Variants in CRPPA observed in about 807,000 individuals in gnomAD.
CRPPA encodes CDP-L-ribitol pyrophosphorylase A.
Under a neutral mutation model 52.0 loss-of-function variants are expected in CRPPA, and 43 were observed. That is an observed-to-expected ratio of 0.83 (90% CI 0.65 to 1.07). The LOEUF (loss-of-function observed/expected upper bound fraction) is 1.07. Among genes scored for constraint, CRPPA ranks in the 50% least tolerant of loss-of-function variants. CRPPA has a pLI of 0.00. For missense variants in CRPPA, 629 were observed against 551.7 expected (o/e 1.14, Z -1.40); for synonymous variants, 250 against 203.5 (o/e 1.23, Z -1.94).
intron 5 of CRPPA, among the ~76,000 whole-genome samples, chr7:16,281,784 A>T (rs1784326649): frequency 6.6e-6 from 1 of 152,190 alleles, no homozygotes; most frequent in African/African-American, 2.4e-5. Context: ...GATTATTCAC[A>T]TTCTCTATTT....
chr7:16,229,358 C>A (rs1782732553), intron 8 of CRPPA, among the ~76,000 whole-genome samples: 1 of 151,952 alleles, frequency 6.6e-6, no homozygotes, highest in African/African-American at 2.4e-5. Context: ...TTGTTCCTTT[C>A]TTCCTCTATC....
chr7:16,217,048 A>T (rs1323222573), intron 8 of CRPPA, among the ~76,000 whole-genome samples: 1 of 151,436 alleles, frequency 6.6e-6, no homozygotes, highest in Non-Finnish European at 1.5e-5. Flanking sequence ...CCTGTCTGAC[A>T]GCTTTGAAGA....
Position 16,416,301 on chromosome 7 carries a change from T to G in CRPPA, c.257+4765A>C, listed in dbSNP as rs775806090. 7.2e-5 allele frequency among the ~76,000 whole-genome samples: 11 copies of G among 152,236 alleles called. No homozygotes were observed. In the South Asian group the frequency reaches 1.0e-3, roughly 14 times the overall value. ...CCCTATTCCATAAATGTTGGTAGGATAGCTGGCTAGCCATATCCAGAGGAA... is the reference window on the plus strand; with the variant it reads ...CCCTATTCCATAAATGTTGGTAGGAGAGCTGGCTAGCCATATCCAGAGGAA... On this transcript the variant is annotated intron_variant, in intron 1 of 9. Transcript: ENST00000407010.
intron 9 of CRPPA, among the ~76,000 whole-genome samples, chr7:16,165,818 G>T (rs1231092016): frequency 1.3e-5 from 2 of 152,174 alleles, no homozygotes; most frequent in Non-Finnish European, 2.9e-5. Flanking sequence ...TGGTACAACT[G>T]GTCAGATGCA....
chr7:16,382,187 G>A (rs1224146405), intron 2 of CRPPA, among the ~76,000 whole-genome samples: 3 of 152,076 alleles, frequency 2.0e-5, no homozygotes, highest in African/African-American at 7.3e-5. Context: ...GGCGGGCCTG[G>A]TGGTGACAAA....
chr7:16,414,249 T>A (rs985823447), intron 1 of CRPPA, among the ~76,000 whole-genome samples: 4 of 152,076 alleles, frequency 2.6e-5, no homozygotes, highest in African/African-American at 9.7e-5. Flanking sequence ...TCACCAAGTC[T>A]GAATAAGCAT....
intron 3 of CRPPA, among the ~76,000 whole-genome samples, chr7:16,346,421 AG>A (rs1263725654): frequency 6.6e-6 from 1 of 152,182 alleles, no homozygotes; most frequent in Non-Finnish European, 1.5e-5. Context: ...GTGTCAGTTG[AG>A]AAAAAGATGC....
intron 3 of CRPPA, among the ~76,000 whole-genome samples, chr7:16,310,515 A>AT (rs1785011043): frequency 6.6e-6 from 1 of 152,198 alleles, no homozygotes; most frequent in African/African-American, 2.4e-5. Flanking sequence ...CGAAACTGCA[A>AT]TTTTTTAAAA....
At chr7:16,400,285 T>C (rs17169463) in intron 2 of CRPPA, among the ~76,000 whole-genome samples, 3,411 of 152,328 alleles carry the variant, frequency 0.022, 115 homozygotes, top group African/African-American at 0.076. Context: ...CTGTGTGACA[T>C]GACCAATGAG....
intron 3 of CRPPA, among the ~76,000 whole-genome samples, chr7:16,371,051 C>T (rs1053850183): frequency 3.3e-5 from 5 of 152,142 alleles, no homozygotes; most frequent in African/African-American, 4.8e-5. Context: ...TGAGGTAGAT[C>T]GCTTTCCTGC....
chr7:16,342,592 T>C (rs1331193725), intron 3 of CRPPA, among the ~76,000 whole-genome samples: 1 of 151,060 alleles, frequency 6.6e-6, no homozygotes, highest in African/African-American at 2.4e-5. Flanking sequence ...ATGTTGATAA[T>C]CCTCATCTCA....
intron 3 of CRPPA, among the ~76,000 whole-genome samples, chr7:16,311,302 C>G (rs1463080733): frequency 1.3e-5 from 2 of 152,238 alleles, no homozygotes; most frequent in East Asian, 3.9e-4. Flanking sequence ...AGAGTAGTTT[C>G]ACACGACAGT....
At chr7:16,273,685 T>C (rs1359378167) in intron 6 of CRPPA, among the ~76,000 whole-genome samples, 3 of 152,124 alleles carry the variant, frequency 2.0e-5, no homozygotes, top group African/African-American at 7.2e-5. Context: ...AGAGGGCTGG[T>C]GCAAAAGGTT....
intron 5 of CRPPA, among the ~76,000 whole-genome samples, chr7:16,286,033 AAAAAAATATAAATATATATAT>A (rs1562608246): frequency 2.3e-4 from 5 of 21,970 alleles, no homozygotes; most frequent in African/African-American, 1.3e-3. Flanking sequence ...AAAAAAAAAA[AAAAAAATATAAATATATATAT>A]ATATATATAT....
intron 9 of CRPPA, among the ~76,000 whole-genome samples, chr7:16,136,300 T>C (rs992767591): frequency 6.6e-6 from 1 of 152,170 alleles, no homozygotes; most frequent in African/African-American, 2.4e-5. Context: ...ATTTCTTGCA[T>C]GCTTTTTATC....
At chr7:16,151,111 C>T (rs1783068735) in intron 9 of CRPPA, among the ~76,000 whole-genome samples, 1 of 152,134 alleles carries the variant, frequency 6.6e-6, no homozygotes, top group Admixed American at 6.5e-5. Flanking sequence ...TTTGTTAACA[C>T]ACCAGTAGGA....
At position 16,204,016 on chromosome 7, in the gene CRPPA, G is replaced by A. The variant is rs17169337; in HGVS notation, c.1251+12050C>T. Among the ~76,000 whole-genome samples, 3,653 of 152,202 alleles carry A rather than the reference G, an allele frequency of 0.024. 268 individuals are homozygous for A. The East Asian group carries it at 0.3, about 13-fold the overall frequency. On this transcript the variant is annotated intron_variant, in intron 9 of 9. Transcript: ENST00000407010. The stretch of plus-strand genomic sequence containing the variant: ...ATTTTAAGGATACTGGTTAAAAATT[G>A]AGATGAAATTTAAAAATTGCGTATC...
chr7:16,353,851 C>CA (rs5882569), intron 3 of CRPPA, among the ~76,000 whole-genome samples: 85 of 150,472 alleles, frequency 5.6e-4, no homozygotes, highest in African/African-American at 1.7e-3. Context: ...CTCCATCTCA[C>CA]AAAAAAAAAA....
At chr7:16,327,049 C>T (rs11761604) in intron 3 of CRPPA, among the ~76,000 whole-genome samples, 35,979 of 152,058 alleles carry the variant, frequency 0.24, 4,540 homozygotes, top group Non-Finnish European at 0.3. Flanking sequence ...CATGCTAGCT[C>T]GTTTTTGCCA....
Sources: allele counts gnomAD v4.1 joint callset (sites outside exome capture counted in the v4.1 genomes callset), GRCh38; gene constraint gnomAD v4.1.1; transcripts MANE v1.5; gene names NCBI Gene and HGNC (gene_info 2026-07-23, HGNC 2026-07-21).